PTPRD: variants seen among roughly 807,000 people sequenced by gnomAD.
PTPRD encodes the protein receptor-type tyrosine-protein phosphatase delta.
Under a neutral mutation model 214.5 loss-of-function variants are expected in PTPRD, and 34 were observed. The ratio of observed to expected loss-of-function variants is 0.16; its 90% CI spans 0.12 to 0.21. The LOEUF (loss-of-function observed/expected upper bound fraction) is 0.21, where lower values mean the gene tolerates loss of function less well. PTPRD is among the 10% of genes least tolerant of loss of function. The probability of loss-of-function intolerance (pLI) is 1.00; values close to 1 mark genes in which losing one functional copy is unlikely to be tolerated. For synonymous variants in PTPRD, 1,128 were observed against 845.7 expected (o/e 1.33, Z -5.79); for missense variants, 2,545 against 2,398.7 (o/e 1.06, Z -1.27).
intron 10 of PTPRD, among the ~76,000 whole-genome samples, chr9:9,029,343 C>A (rs560153232): frequency 7.1e-4 from 107 of 151,716 alleles, no homozygotes; most frequent in African/African-American, 2.4e-3. Flanking sequence ...CTAAAAAGTG[C>A]TGATTGGTTA....
chr9:10,128,276 T>C lies in PTPRD; in HGVS notation c.-544-94486A>G, dbSNP rs76855743. Among the ~76,000 whole-genome samples, 1,245 of 152,208 alleles carry C rather than the reference T, an allele frequency of 8.2e-3. 27 individuals carry two copies. Among genetic ancestry groups the C allele is most frequent in the African/African-American group, 0.029 (1,184 of 41,536 alleles). On this transcript the variant is annotated intron_variant, in intron 3 of 45. Transcript: ENST00000381196. The stretch of plus-strand genomic sequence containing the variant: ...CTTAGAATGTGACATAATTTGGAAA[T>C]AAGATTATTGCAGCTGCAATAGTTA...
intron 10 of PTPRD, among the ~76,000 whole-genome samples, chr9:9,038,723 T>A (rs2099630042): frequency 6.6e-6 from 1 of 151,616 alleles, no homozygotes; most frequent in Admixed American, 6.6e-5. Flanking sequence ...CCCAGCTAAT[T>A]TTTTTGTATT....
intron 3 of PTPRD, among the ~76,000 whole-genome samples, chr9:10,111,440 G>A (rs998240670): frequency 9.3e-5 from 14 of 151,110 alleles, no homozygotes; most frequent in Admixed American, 1.3e-4. Flanking sequence ...GGGTTTCACC[G>A]TTTTAGCCGG....
intron 11 of PTPRD, among the ~76,000 whole-genome samples, chr9:9,014,687 G>C (rs967258535): frequency 6.6e-6 from 1 of 152,066 alleles, no homozygotes; most frequent in Non-Finnish European, 1.5e-5. Flanking sequence ...TCTGAGGAAG[G>C]AGAAATCTAT....
intron 12 of PTPRD, chr9:8,713,278 T>C: frequency 1.5e-6 from 1 of 680,038 alleles, no homozygotes; most frequent in Non-Finnish European, 2.6e-6. Flanking sequence ...CCACTGAGCT[T>C]TTGCGGGTGG....
At chr9:10,338,109 T>C (rs1009383099) in intron 3 of PTPRD, among the ~76,000 whole-genome samples, 1 of 151,550 alleles carries the variant, frequency 6.6e-6, no homozygotes, top group Non-Finnish European at 1.5e-5. Flanking sequence ...CAACTGAAAA[T>C]GCATAAAAAG....
chr9:9,519,377 GAGAGAGAAAGAA>G (rs2096911346), intron 8 of PTPRD, among the ~76,000 whole-genome samples: 1 of 151,388 alleles, frequency 6.6e-6, no homozygotes, highest in African/African-American at 2.4e-5. Flanking sequence ...AAAAAAACCA[GAGAGAGAAAGAA>G]TCAACAGTTA....
At chr9:9,280,699 T>C (rs1457573660) in intron 9 of PTPRD, among the ~76,000 whole-genome samples, 2 of 151,352 alleles carry the variant, frequency 1.3e-5, no homozygotes, top group African/African-American at 4.8e-5. Context: ...GGATTTCAGT[T>C]CTTCCTAACT....
chr9:9,949,174 C>A (rs1228950792), intron 4 of PTPRD, among the ~76,000 whole-genome samples: 1 of 151,958 alleles, frequency 6.6e-6, no homozygotes, highest in African/African-American at 2.4e-5. Context: ...AGAAAATATT[C>A]CTTAAAAAGT....
At chr9:10,186,215 A>G (rs926855802) in intron 3 of PTPRD, among the ~76,000 whole-genome samples, 2 of 152,118 alleles carry the variant, frequency 1.3e-5, no homozygotes, top group Non-Finnish European at 2.9e-5. Flanking sequence ...ATTAAACTCA[A>G]CCTGAGAGTC....
At chr9:10,189,520 T>C (rs1273777378) in intron 3 of PTPRD, among the ~76,000 whole-genome samples, 5 of 152,178 alleles carry the variant, frequency 3.3e-5, no homozygotes, top group Non-Finnish European at 7.3e-5. Context: ...GGATGGAGAA[T>C]ATATTCCACC....
At chr9:9,147,277 C>G (rs1046403626) in intron 10 of PTPRD, among the ~76,000 whole-genome samples, 10 of 150,026 alleles carry the variant, frequency 6.7e-5, no homozygotes, top group Admixed American at 2.7e-4. Context: ...CACAGTGACT[C>G]TGGAACTCCC....
chr9:10,082,223 G>A (rs1227484017), intron 3 of PTPRD, among the ~76,000 whole-genome samples: 1 of 152,056 alleles, frequency 6.6e-6, no homozygotes, highest in Non-Finnish European at 1.5e-5. Flanking sequence ...AAACGTTAAA[G>A]GATGCAAACA....
At chr9:9,486,855 T>C (rs764310138) in intron 8 of PTPRD, among the ~76,000 whole-genome samples, 7 of 152,246 alleles carry the variant, frequency 4.6e-5, no homozygotes, top group Non-Finnish European at 7.4e-5. Context: ...ATTCAAAATT[T>C]TACTCTCCAC....
At chr9:10,084,927 G>A (rs10119035) in intron 3 of PTPRD, among the ~76,000 whole-genome samples, 9 of 151,634 alleles carry the variant, frequency 5.9e-5, no homozygotes, top group East Asian at 2.0e-4. Context: ...CTCAACTCTC[G>A]TAGATAAAAA....
Position 8,643,227 on chromosome 9 carries a change from C to A in PTPRD, c.65-6383G>T, listed in dbSNP as rs140042002. Among the ~76,000 whole-genome samples, 712 of 152,244 alleles carry A rather than the reference C, an allele frequency of 4.7e-3. 4 individuals carry two copies. Among genetic ancestry groups the A allele is most frequent in the African/African-American group, 0.016 (681 of 41,528 alleles). On this transcript the variant is annotated intron_variant, in intron 12 of 45. Transcript: ENST00000381196. The stretch of plus-strand genomic sequence containing the variant: ...AAATAACTGCTCCTTGAGTTCCATG[C>A]ACTAGACTAAATGTTTAATATATCT...
At position 8,739,743 on chromosome 9, in the gene PTPRD, C is replaced by G. The variant is rs1238553813; in HGVS notation, c.-103-5797G>C. On this transcript the variant is annotated intron_variant, in intron 11 of 45. Coordinates refer to ENST00000381196, the MANE Select transcript of PTPRD (RefSeq NM_002839.4). ...GGTTTGACTGTGTCCCCACCCAAAT[C>G]TCATCTTGAATTCTCATGTGTTATG... is the stretch of plus-strand genomic sequence containing the variant. 3.3e-5 allele frequency among the ~76,000 whole-genome samples: 5 copies of G among 152,186 alleles called. No individual in the cohort carries two copies. The East Asian group carries it at 7.7e-4, about 23-fold the overall frequency.
chr9:10,560,967 G>A (rs1430942226), intron 2 of PTPRD, among the ~76,000 whole-genome samples: 1 of 152,202 alleles, frequency 6.6e-6, no homozygotes, highest in Non-Finnish European at 1.5e-5. Flanking sequence ...GAATGTGGGT[G>A]AATTGGGTGG....
At chr9:10,004,492 T>A (rs867759932) in intron 4 of PTPRD, among the ~76,000 whole-genome samples, 1 of 151,942 alleles carries the variant, frequency 6.6e-6, no homozygotes, top group South Asian at 2.1e-4. Flanking sequence ...AAATATGCAA[T>A]CATTCATTAC....
Sources: allele counts gnomAD v4.1 joint callset (sites outside exome capture counted in the v4.1 genomes callset), GRCh38; gene constraint gnomAD v4.1.1; transcripts MANE v1.5; gene names NCBI Gene and HGNC (gene_info 2026-07-23, HGNC 2026-07-21).